The following PHC2 variants were observed in gnomAD, a reference collection of about 807,000 sequenced individuals.
PHC2 encodes the protein polyhomeotic-like protein 2.
A neutral mutation model predicts 87.4 loss-of-function variants in PHC2; 29 were observed. That is an observed-to-expected ratio of 0.33 (90% CI 0.25 to 0.45). The LOEUF (loss-of-function observed/expected upper bound fraction) is 0.45. Ranked by LOEUF, PHC2 falls within the 20% of genes least tolerant of loss-of-function variation. The pLI, the probability that PHC2 is intolerant of heterozygous loss-of-function variation, is 1.00. For missense variants in PHC2, 857 were observed against 1,136.7 expected (o/e 0.75, Z 3.54); for synonymous variants, 438 against 461.7 (o/e 0.95, Z 0.66).
In PHC2 at chr1:33,332,472, T is replaced by C. The variant is rs1646523092; in HGVS notation, c.1762-68A>G. ...GCGGCTTCCTTGCTATCCATCCTCA[T>C]CACAATTACACGTATAAAGTATCCA... On this transcript the variant is annotated intron_variant, in intron 10 of 14. Coordinates refer to ENST00000683057, the MANE Select transcript of PHC2 (RefSeq NM_001385109.1). This position sits in a 1 kb window ranked among gnomAD's most constrained non-coding sequence, Gnocchi z 4.2. 1.9e-6 allele frequency: 3 copies of C among 1,576,376 alleles called. No homozygotes were observed. Among genetic ancestry groups the C allele is most frequent in the African/African-American group, 2.7e-5 (2 of 74,168 alleles).
intron 1 of PHC2, among the ~76,000 whole-genome samples, chr1:33,395,969 C>A (rs939800255): frequency 2.0e-5 from 3 of 152,156 alleles, no homozygotes; most frequent in African/African-American, 7.2e-5. Context: ...CTACTTATCA[C>A]TGGACTTATG....
Position 33,332,212 on chromosome 1 carries a change from G to A in PHC2, c.1891+63C>T, listed in dbSNP as rs942138965. The A allele has an allele frequency of 2.5e-6, 4 of 1,597,532 alleles. No homozygotes were observed. The highest frequency in any genetic ancestry group is 2.6e-6 in the Non-Finnish European group (3 of 1,165,542). On this transcript the variant is annotated intron_variant, in intron 11 of 14. Transcript: ENST00000683057. The surrounding 1 kb of genome is among the most constrained non-coding windows in gnomAD (Gnocchi z 4.2). ...CTCTGGGGAAACAGAGAGAGGAAGT[G>A]TGTGAGGCCTGCCTTTCCAGCCACG... is the stretch of plus-strand genomic sequence containing the variant.
chr1:33,389,623 G>T (rs1294420166), intron 1 of PHC2, among the ~76,000 whole-genome samples: 1 of 152,096 alleles, frequency 6.6e-6, no homozygotes, highest in Non-Finnish European at 1.5e-5. Context: ...GCCTAGCTCT[G>T]GGGCCTCCTT....
Position 33,325,003 on chromosome 1 carries a change from T to C in PHC2, c.2442A>G (p.Ala814=). 6.2e-7 allele frequency: 1 copy of C among 1,612,244 alleles called. No homozygotes were observed. The highest frequency in any genetic ancestry group is 1.1e-5 in the South Asian group (1 of 90,852). Residue 814 remains alanine (A), a synonymous_variant, in exon 15 of 15, where the codon GCA becomes GCG. Coordinates refer to ENST00000683057, the MANE Select transcript of PHC2 (RefSeq NM_001385109.1). ...IRSLPGCQEI[A]EEFRAQEIDG... is the part of the protein sequence containing the mutation. ...CGATTTCCTGGGCACGGAATTCCTC[T>C]GCTATCTCCTGGCAGCCTGAGGGGG...
intron 1 of PHC2, among the ~76,000 whole-genome samples, chr1:33,430,174 C>T (rs149291636): frequency 0.017 from 2,526 of 152,276 alleles, 39 homozygotes; most frequent in Middle Eastern, 0.027. Flanking sequence ...ATTTGTTAGA[C>T]ACTCACGTAG....
intron 7 of PHC2, among the ~76,000 whole-genome samples, chr1:33,366,351 A>G (rs1051628266): frequency 1.3e-5 from 2 of 152,204 alleles, no homozygotes; most frequent in African/African-American, 4.8e-5. Flanking sequence ...AGATTTTCCC[A>G]TTAAAGATTG....
chr1:33,379,209 C>T (rs1040746923), intron 1 of PHC2, among the ~76,000 whole-genome samples: 1 of 151,662 alleles, frequency 6.6e-6, no homozygotes, highest in African/African-American at 2.4e-5. Flanking sequence ...ACTTCCCACA[C>T]TCTTGTCGCC....
At chr1:33,327,013 C>T (rs911567803) in intron 14 of PHC2, among the ~76,000 whole-genome samples, 6 of 152,112 alleles carry the variant, frequency 3.9e-5, no homozygotes, top group South Asian at 2.1e-4. Flanking sequence ...GCTGAGAAAA[C>T]GACTACACTG....
intron 1 of PHC2, among the ~76,000 whole-genome samples, chr1:33,410,418 A>G (rs1280610293): frequency 6.6e-6 from 1 of 152,234 alleles, no homozygotes; most frequent in Non-Finnish European, 1.5e-5. Flanking sequence ...GGAACAGGTC[A>G]TGCTGCTTCT....
At chr1:33,360,489 G>T (rs1213639351) in intron 7 of PHC2, among the ~76,000 whole-genome samples, 1 of 152,216 alleles carries the variant, frequency 6.6e-6, no homozygotes, top group African/African-American at 2.4e-5. Context: ...TAGATAAATT[G>T]CTCAACCTCT....
intron 1 of PHC2, among the ~76,000 whole-genome samples, chr1:33,429,439 C>T (rs1299619948): frequency 6.6e-6 from 1 of 152,186 alleles, no homozygotes; most frequent in Non-Finnish European, 1.5e-5. Context: ...CGCTGTTCCC[C>T]CGCTTTGGCT....
At chr1:33,419,100 A>G (rs1650324124) in intron 1 of PHC2, among the ~76,000 whole-genome samples, 4 of 152,228 alleles carry the variant, frequency 2.6e-5, no homozygotes, top group Non-Finnish European at 5.9e-5. Context: ...GGGAGTTGCT[A>G]TGAAGAATAA....
At chr1:33,367,561 T>C in intron 6 of PHC2, 133 bp from the exon 7 acceptor site, 1 of 723,216 alleles carries the variant, frequency 1.4e-6, no homozygotes, top group Non-Finnish European at 2.3e-6. Flanking sequence ...AGAGAGAGAA[T>C]GTGTTAGGGG....
At chr1:33,343,247 C>T (rs1034823773) in intron 9 of PHC2, among the ~76,000 whole-genome samples, 3 of 151,412 alleles carry the variant, frequency 2.0e-5, no homozygotes, top group Admixed American at 1.3e-4. Flanking sequence ...TGGATCACGA[C>T]GTCAAGAGAT....
At chr1:33,330,376 C>T (rs754958254) in intron 12 of PHC2, among the ~76,000 whole-genome samples, 164 bp from the exon 13 acceptor site, 1 of 152,226 alleles carries the variant, frequency 6.6e-6, no homozygotes, top group Non-Finnish European at 1.5e-5. Context: ...GTTTAAGTCA[C>T]TTAAGCCCTG....
At chr1:33,365,243 T>C (rs1647382264) in intron 7 of PHC2, among the ~76,000 whole-genome samples, 1 of 152,194 alleles carries the variant, frequency 6.6e-6, no homozygotes, top group African/African-American at 2.4e-5. Flanking sequence ...AGAAGCGTGA[T>C]GCATACAATG....
intron 1 of PHC2, among the ~76,000 whole-genome samples, chr1:33,385,799 A>ATTT (rs71006398): frequency 6.8e-6 from 1 of 148,114 alleles, no homozygotes; most frequent in Admixed American, 6.7e-5. Flanking sequence ...CAGAATAAAA[A>ATTT]TTTTTTTTTT....
Position 33,334,067 on chromosome 1 carries a change from A to AG in PHC2, c.1761+22dup, listed in dbSNP as rs779494249. The AG allele has an allele frequency of 6.5e-7, 1 of 1,539,308 alleles. No homozygotes were observed. The highest frequency in any genetic ancestry group is 1.2e-5 in the South Asian group (1 of 83,780). ...CATCCAAAATATACTTAAAAAAAAAAGGGGAAAAGAAGTAGTCCGTACCGG... is the reference window on the plus strand; with the variant it reads ...CATCCAAAATATACTTAAAAAAAAAAGGGGGAAAAGAAGTAGTCCGTACCGG... On this transcript the variant is annotated intron_variant, in intron 10 of 14. Coordinates refer to ENST00000683057, the MANE Select transcript of PHC2 (RefSeq NM_001385109.1). The surrounding 1 kb of genome is among the most constrained non-coding windows in gnomAD (Gnocchi z 5.5).
intron 1 of PHC2, among the ~76,000 whole-genome samples, chr1:33,406,128 C>T (rs1028294796): frequency 5.3e-5 from 8 of 151,880 alleles, no homozygotes; most frequent in Non-Finnish European, 7.4e-5. Context: ...TGTCTTTTTC[C>T]TTAGAGTTGT....
Sources: allele counts gnomAD v4.1 joint callset (sites outside exome capture counted in the v4.1 genomes callset), GRCh38; gene constraint gnomAD v4.1.1; non-coding constraint Gnocchi (gnomAD v3.1); transcripts MANE v1.5; gene names NCBI Gene and HGNC (gene_info 2026-07-23, HGNC 2026-07-21).